Variants in NOC3L observed in about 807,000 individuals in gnomAD.
The protein encoded by NOC3L is NOC3 like DNA replication regulator.
In NOC3L, 85 loss-of-function variants were observed where a neutral mutation model predicts 102.5. The ratio of observed to expected loss-of-function variants is 0.83; its 90% CI spans 0.70 to 0.99. The LOEUF (loss-of-function observed/expected upper bound fraction) is 0.99, where lower values mean the gene tolerates loss of function less well. Among genes scored for constraint, NOC3L ranks in the 50% least tolerant of loss-of-function variants. The probability of loss-of-function intolerance (pLI) is 0.00; values close to 1 mark genes in which losing one functional copy is unlikely to be tolerated. For missense variants in NOC3L, 878 were observed against 914.9 expected (o/e 0.96, Z 0.52); for synonymous variants, 303 against 309.4 (o/e 0.98, Z 0.22).
intron 7 of NOC3L, 84 bp from the exon 8 acceptor site, chr10:94,352,487 T>G: frequency 2.4e-6 from 2 of 832,732 alleles, no homozygotes; most frequent in East Asian, 2.5e-5. Flanking sequence ...GTGTCTAGTA[T>G]ACACCCAGTA....
Position 94,353,057 on chromosome 10 carries a change from T to C in NOC3L, c.697A>G (p.Ile233Val), listed in dbSNP as rs753369678. The change falls in exon 7 of 21, where the codon ATT becomes GTT. Residue 233 changes from isoleucine (I) to valine (V), a missense_variant and splice_region_variant. Ile to Val is a conservative substitution (Grantham distance 29). Coordinates refer to ENST00000371361, the MANE Select transcript of NOC3L (RefSeq NM_022451.11). ...SAILSDPENNIKKLKELRSML... is the reference protein window; with the variant it reads ...SAILSDPENNVKKLKELRSML... ...GAACGTAATTCTTTCAATTTTTTAATCTGTTAAAGAAATAGCTTATAAAGC... is the reference window on the plus strand; with the variant it reads ...GAACGTAATTCTTTCAATTTTTTAACCTGTTAAAGAAATAGCTTATAAAGC... The C allele has an allele frequency of 3.1e-6, 5 of 1,601,334 alleles. No homozygotes were observed. The highest frequency in any genetic ancestry group is 3.5e-5 in the Admixed American group (2 of 57,006).
intron 6 of NOC3L, among the ~76,000 whole-genome samples, 154 bp from the exon 7 acceptor site, chr10:94,353,211 C>A (rs1158580806): frequency 6.6e-6 from 1 of 152,168 alleles, no homozygotes; most frequent in Non-Finnish European, 1.5e-5. Flanking sequence ...GCTCACTTTA[C>A]CAAGAGATAA....
chr10:94,315,338 C>G, the NOC3L span: 2 of 452,620 alleles, frequency 4.4e-6, no homozygotes, highest in Non-Finnish European at 8.9e-6. Flanking sequence ...AGGGTGTTTG[C>G]TTAATCCAGA....
chr10:94,362,754 A>AT, intron 1 of NOC3L, 76 bp downstream of exon 1: 1 of 1,546,296 alleles, frequency 6.5e-7, no homozygotes, highest in Non-Finnish European at 8.9e-7. Context: ...AACCTGCCTA[A>AT]AAGCTAACTC....
chr10:94,339,139 T>C (rs2133985695), intron 17 of NOC3L, among the ~76,000 whole-genome samples: 1 of 152,274 alleles, frequency 6.6e-6, no homozygotes, highest in East Asian at 1.9e-4. Flanking sequence ...CTGCCTACAT[T>C]TGAATATCAC....
At chr10:94,352,748 G>A in intron 7 of NOC3L, 148 bp downstream of exon 7, 1 of 665,672 alleles carries the variant, frequency 1.5e-6, no homozygotes, top group Non-Finnish European at 2.5e-6. Flanking sequence ...CTTGAACCCG[G>A]AAGGCAGAGG....
At chr10:94,346,680 T>A in intron 10 of NOC3L, 124 bp from the exon 11 acceptor site, 1 of 471,012 alleles carries the variant, frequency 2.1e-6, no homozygotes, top group Non-Finnish European at 3.4e-6. Flanking sequence ...AAACATCTTT[T>A]ATAACATTTT....
rs1004967406 is a variant in NOC3L at position 94,352,901 on chromosome 10, T to C, written c.853A>G (p.Thr285Ala). 6.2e-6 allele frequency: 10 copies of C among 1,611,942 alleles called. No individual in the cohort carries two copies. The highest frequency in any genetic ancestry group is 5.0e-5 in the Admixed American group (3 of 59,862). The change falls in exon 7 of 21, where the codon ACT becomes GCT. Residue 285 changes from threonine (T) to alanine (A), a missense_variant. Transcript: ENST00000371361. ...IRPLTEAEKS[T>A]KTRKETQKLR... ...ATCTAGCAATCTAGCATTACCTTAG[T>C]AGATTTTTCTGCTTCTGTGAGGGGC...
At chr10:94,344,243 T>G (rs1011835813) in intron 13 of NOC3L, among the ~76,000 whole-genome samples, 172 bp downstream of exon 13, 1 of 151,970 alleles carries the variant, frequency 6.6e-6, no homozygotes, top group African/African-American at 2.4e-5. Context: ...AGGTTTGAGA[T>G]GAGAAAATCA....
At chr10:94,321,979 G>C in the NOC3L span, 1 of 1,613,944 alleles carries the variant, frequency 6.2e-7, no homozygotes. Context: ...CTTTGTCCAA[G>C]TGCATGATGT....
the NOC3L span, among the ~76,000 whole-genome samples, chr10:94,319,875 T>TTTTTTTTTTTTTTTG: frequency 6.9e-6 from 1 of 143,932 alleles, no homozygotes; most frequent in African/African-American, 2.6e-5. Flanking sequence ...TTTTTTTTTT[T>TTTTTTTTTTTTTTTG]TTTTTTTTTT....
chr10:94,354,878 G>T, intron 6 of NOC3L, 85 bp downstream of exon 6: 1 of 1,360,484 alleles, frequency 7.4e-7, no homozygotes. Context: ...TTTAGTGTAT[G>T]CTTATAGGTA....
rs954511929 is a variant in NOC3L at position 94,338,800 on chromosome 10, G to C, written c.1963-64C>G. ...CATTGTTAATATAAGAGGTGTTACT[G>C]GTTTGTAGTTGTATTTGCATTTAAA... On this transcript the variant is annotated intron_variant, in intron 17 of 20. Transcript: ENST00000371361. The C allele has an allele frequency of 1.3e-5, 19 of 1,410,406 alleles. No homozygotes were observed. In the South Asian group the frequency reaches 2.6e-4, roughly 19 times the overall value. The allele number at this position is 1,410,406 out of a possible 1,614,324, so 87.4% of individuals were successfully genotyped here.
downstream of NOC3L, chr10:94,332,064 T>G (rs1270390187): frequency 6.6e-6 from 1 of 152,028 alleles, no homozygotes. Context: ...GAGACGGGGG[T>G]TTCACTATGT....
At chr10:94,350,389 C>A (rs1036776658) in intron 8 of NOC3L, 101 bp from the exon 9 acceptor site, 1 of 973,394 alleles carries the variant, frequency 1.0e-6, no homozygotes, top group Non-Finnish European at 1.6e-6. Flanking sequence ...CATAAACACA[C>A]ACACACACAT....
the NOC3L span, among the ~76,000 whole-genome samples, chr10:94,323,387 C>G: frequency 6.6e-6 from 1 of 152,218 alleles, no homozygotes; most frequent in Non-Finnish European, 1.5e-5. Context: ...GGAGTAAAAG[C>G]TCAGATCTGT....
intron 10 of NOC3L, among the ~76,000 whole-genome samples, chr10:94,348,083 TG>T (rs1043030060): frequency 2.0e-5 from 3 of 150,548 alleles, no homozygotes; most frequent in Non-Finnish European, 3.0e-5. Context: ...AAAAAAATGG[TG>T]ATGAAATAAC....
rs1386895580 is a variant in NOC3L, at chr10:94,335,419, G to T, written c.2190-701C>A. ...AATAATCATTATGAAGAGTGACAAAGAATTGTTTTCTCCTTTTTTCCTTTT... is the reference window on the plus strand; with the variant it reads ...AATAATCATTATGAAGAGTGACAAATAATTGTTTTCTCCTTTTTTCCTTTT... On this transcript the variant is annotated intron_variant, in intron 19 of 20. Transcript: ENST00000371361. Among the ~76,000 whole-genome samples, 5 of 152,042 alleles carry T rather than the reference G, an allele frequency of 3.3e-5. No individual in the cohort carries two copies. In the East Asian group the frequency reaches 9.7e-4, roughly 29 times the overall value.
At chr10:94,336,273 C>T (rs570613147) in intron 19 of NOC3L, among the ~76,000 whole-genome samples, 2 of 152,240 alleles carry the variant, frequency 1.3e-5, no homozygotes, top group Admixed American at 6.5e-5. Context: ...AGCAGAGAGG[C>T]GCCCTCATCA....
Sources: allele counts gnomAD v4.1 joint callset (sites outside exome capture counted in the v4.1 genomes callset), GRCh38; gene constraint gnomAD v4.1.1; transcripts MANE v1.5; gene names NCBI Gene and HGNC (gene_info 2026-07-23, HGNC 2026-07-21).